Variants in RHOBTB2 observed in about 807,000 individuals in gnomAD.
The protein encoded by RHOBTB2 is rho-related BTB domain-containing protein 2.
Under a neutral mutation model 66.5 loss-of-function variants are expected in RHOBTB2, and 39 were observed. That is an observed-to-expected ratio of 0.59 (90% CI 0.45 to 0.77). The LOEUF (loss-of-function observed/expected upper bound fraction) is 0.77. RHOBTB2 is among the 30% of genes least tolerant of loss of function. The probability of loss-of-function intolerance (pLI) is 0.00; values close to 1 mark genes in which losing one functional copy is unlikely to be tolerated. For missense variants in RHOBTB2, 755 were observed against 999.1 expected, an observed-to-expected ratio of 0.76 and a Z score of 3.29; for synonymous variants, 390 against 395.0, an observed-to-expected ratio of 0.99 and a Z score of 0.15.
At chr8:22,983,107 G>A (rs1810236980), upstream of RHOBTB2, among the ~76,000 whole-genome samples, 3 of 152,132 alleles carry the variant, frequency 2.0e-5, no homozygotes, top group Admixed American at 2.0e-4. Flanking sequence ...ACATAGAACT[G>A]TCCAGCAAGT....
chr8:22,974,032 C>T, the RHOBTB2 span, among the ~76,000 whole-genome samples: 6 of 152,252 alleles, frequency 3.9e-5, no homozygotes, highest in Admixed American at 1.3e-4. Context: ...CATGTGATCA[C>T]TTAGGTATGC....
the RHOBTB2 span, among the ~76,000 whole-genome samples, chr8:22,974,422 C>G: frequency 1.8e-4 from 28 of 152,190 alleles, no homozygotes; most frequent in African/African-American, 6.8e-4. Flanking sequence ...GGTGGCCTGC[C>G]GGCTCTTTGT....
chr8:22,982,166 A>G, the RHOBTB2 span, among the ~76,000 whole-genome samples: 3 of 152,222 alleles, frequency 2.0e-5, no homozygotes, highest in Non-Finnish European at 2.9e-5. Flanking sequence ...CCACTGGTTC[A>G]GTGCCTCCAT....
At chr8:23,011,544 A>C (rs1811148160) in intron 7 of RHOBTB2, among the ~76,000 whole-genome samples, 1 of 152,142 alleles carries the variant, frequency 6.6e-6, no homozygotes. Flanking sequence ...TTTAGTGTGG[A>C]CAAATCCCAG....
intron 2 of RHOBTB2, 43 bp from the exon 3 acceptor site, chr8:23,005,328 CA>C: frequency 1.3e-6 from 2 of 1,505,012 alleles, no homozygotes; most frequent in Non-Finnish European, 1.8e-6. Flanking sequence ...CAGAGGTCCC[CA>C]AAACTGCTGC....
rs148121402 is a variant in RHOBTB2, at chr8:23,007,289, C to T, written c.1044C>T (p.Cys348=). 1.8e-5 allele frequency: 29 copies of T among 1,613,418 alleles called. No homozygotes were observed. The highest frequency in any genetic ancestry group is 2.2e-5 in the Non-Finnish European group (26 of 1,179,914). The stretch of plus-strand genomic sequence containing the variant: ...TCCGAGCAGCCAGCTTTGACGTGTG[C>T]GAGAGCGTGGATGAGGCTGGGGGCT... ...FLLRAASFDV[C]ESVDEAGGSG... The change falls in exon 5 of 10, where the codon TGC becomes TGT. Residue 348 remains cysteine (C), a synonymous_variant. Transcript: ENST00000251822.
chr8:22,988,371 A>C (rs1810339172), intron 1 of RHOBTB2, among the ~76,000 whole-genome samples: 2 of 151,812 alleles, frequency 1.3e-5, no homozygotes, highest in African/African-American at 2.4e-5. Context: ...CATATTGGCC[A>C]CACTGGTTTC....
chr8:23,009,839 G>A (rs536040175), intron 6 of RHOBTB2, among the ~76,000 whole-genome samples: 1 of 152,156 alleles, frequency 6.6e-6, no homozygotes, highest in Non-Finnish European at 1.5e-5. Context: ...TGCCAGCCCC[G>A]GGCACTTCTC....
exon 2 of RHOBTB2, chr8:22,992,075 G>C (rs1810439909): frequency 6.6e-6 from 1 of 152,216 alleles, no homozygotes; most frequent in Non-Finnish European, 1.5e-5. Context: ...CAGTAAACAA[G>C]AATATGCACG....
At chr8:23,000,216 C>G (rs1224304209) in intron 1 of RHOBTB2, 111 bp downstream of exon 1, 2 of 730,304 alleles carry the variant, frequency 2.7e-6, no homozygotes, top group Non-Finnish European at 3.4e-6. Context: ...CCGGGCCCCG[C>G]TAGTCCCTGG....
chr8:22,988,662 T>G (rs1810347543), intron 1 of RHOBTB2, among the ~76,000 whole-genome samples: 1 of 152,088 alleles, frequency 6.6e-6, no homozygotes, highest in Admixed American at 6.5e-5. Context: ...GGCCAGGAGC[T>G]CTCAGGCTTA....
intron 9 of RHOBTB2, among the ~76,000 whole-genome samples, 178 bp downstream of exon 9, chr8:23,015,921 G>A (rs1811278425): frequency 6.6e-6 from 1 of 152,204 alleles, no homozygotes; most frequent in Non-Finnish European, 1.5e-5. Flanking sequence ...TGGCCTGGAG[G>A]GCAACTCACC....
chr8:23,001,834 C>T (rs1056506341), intron 1 of RHOBTB2, among the ~76,000 whole-genome samples: 2 of 152,176 alleles, frequency 1.3e-5, no homozygotes, highest in African/African-American at 2.4e-5. Flanking sequence ...GACAAGGGGA[C>T]TGCTGAAGGG....
At chr8:23,009,240 AACC>A (rs1459230295) in intron 6 of RHOBTB2, among the ~76,000 whole-genome samples, 1 of 151,986 alleles carries the variant, frequency 6.6e-6, no homozygotes, top group African/African-American at 2.4e-5. Flanking sequence ...TACTTAATAG[AACC>A]ACCTGCCTCT....
the RHOBTB2 span, among the ~76,000 whole-genome samples, chr8:22,967,174 G>A: frequency 6.6e-6 from 1 of 152,074 alleles, no homozygotes; most frequent in Non-Finnish European, 1.5e-5. Context: ...TCCATTCAAT[G>A]AACGAATGGA....
At chr8:22,993,335 T>G (rs1172464461) in intron 2 of RHOBTB2, among the ~76,000 whole-genome samples, 3 of 152,092 alleles carry the variant, frequency 2.0e-5, no homozygotes, top group African/African-American at 7.2e-5. Flanking sequence ...CTACATGGGA[T>G]TTTTTGATCT....
chr8:22,992,825 C>A lies in RHOBTB2; in HGVS notation c.-24+645C>A, dbSNP rs28585074. Among the ~76,000 whole-genome samples the A allele has an allele frequency of 7.3e-3, 1,116 of 152,318 alleles. 16 individuals are homozygous for A. The highest frequency in any genetic ancestry group is 0.025 in the African/African-American group (1,039 of 41,564). On this transcript the variant is annotated intron_variant, in intron 2 of 11. Coordinates refer to the RHOBTB2 transcript ENST00000519685. Reference sequence around the variant, plus strand: ...AGATGCAATAAATGTTTCATGGAGGCCTTGGCCAGCTGTGACTTCCTGGGA... The same window carrying A: ...AGATGCAATAAATGTTTCATGGAGGACTTGGCCAGCTGTGACTTCCTGGGA...
intron 9 of RHOBTB2, among the ~76,000 whole-genome samples, chr8:23,016,378 C>A (rs1218252776): frequency 6.6e-6 from 1 of 152,156 alleles, no homozygotes; most frequent in Non-Finnish European, 1.5e-5. Flanking sequence ...CCGATCTCTC[C>A]TTTTCACTAC....
At position 23,010,600 on chromosome 8, in the gene RHOBTB2, C is replaced by A; in HGVS notation, c.1683C>A (p.Gly561=). 5.0e-6 allele frequency: 8 copies of A among 1,614,208 alleles called. No homozygotes were observed. Among genetic ancestry groups the A allele is most frequent in the Non-Finnish European group, 6.8e-6 (8 of 1,180,028 alleles). ...MRAVLEYLYT[G]MFTSSPDLDD... ...CCGTGCTGGAATACCTCTACACCGG[C>A]ATGTTCACCTCCAGCCCCGACCTGG... The change falls in exon 7 of 10, where the codon GGC becomes GGA. Residue 561 remains glycine (G), a synonymous_variant. Transcript: ENST00000251822.
Sources: allele counts gnomAD v4.1 joint callset (sites outside exome capture counted in the v4.1 genomes callset), GRCh38; gene constraint gnomAD v4.1.1; transcripts MANE v1.5; gene names NCBI Gene and HGNC (gene_info 2026-07-23, HGNC 2026-07-21).